CYRIB: variants seen among roughly 807,000 people sequenced by gnomAD.
CYRIB encodes CYFIP related Rac1 interactor B.
CYRIB carries 8 observed loss-of-function variants against 44.2 expected under a neutral mutation model. The ratio of observed to expected loss-of-function variants is 0.18; its 90% CI spans 0.11 to 0.33. The LOEUF (loss-of-function observed/expected upper bound fraction) is 0.33, where lower values mean the gene tolerates loss of function less well. Ranked by LOEUF, CYRIB falls within the 10% of genes least tolerant of loss-of-function variation. The pLI is 1.00. For missense variants in CYRIB, 185 were observed against 382.8 expected, an observed-to-expected ratio of 0.48 and a Z score of 4.31; for synonymous variants, 131 against 127.2, an observed-to-expected ratio of 1.03 and a Z score of -0.20.
At chr8:129,944,422 C>T (rs1447372512), upstream of CYRIB, among the ~76,000 whole-genome samples, 3 of 152,178 alleles carry the variant, frequency 2.0e-5, no homozygotes, top group Non-Finnish European at 4.4e-5. Context: ...TGGATGGTGA[C>T]ACCACGTGAT....
chr8:130,015,491 A>T (rs1032230593), intron 1 of CYRIB, among the ~76,000 whole-genome samples: 3 of 152,158 alleles, frequency 2.0e-5, no homozygotes, highest in Non-Finnish European at 4.4e-5. Context: ...CAGGGCCAGG[A>T]ATTAAACATA....
At chr8:129,993,729 G>A (rs976219251) in intron 1 of CYRIB, among the ~76,000 whole-genome samples, 2 of 151,920 alleles carry the variant, frequency 1.3e-5, no homozygotes, top group South Asian at 4.2e-4. Context: ...GGACGTGGTG[G>A]TTCACACCAG....
intron 2 of CYRIB, among the ~76,000 whole-genome samples, chr8:129,956,103 C>T (rs1485165945): frequency 6.6e-6 from 1 of 152,176 alleles, no homozygotes; most frequent in Non-Finnish European, 1.5e-5. Context: ...ATGACCCTCT[C>T]CTTTCCTTCT....
intron 4 of CYRIB, 136 bp from the exon 7 acceptor site, chr8:129,862,470 G>C (rs2050318995): frequency 1.4e-6 from 1 of 731,558 alleles, no homozygotes; most frequent in Non-Finnish European, 2.2e-6. Flanking sequence ...ATCTAGGAGT[G>C]TTGAATATTT....
intron 5 of CYRIB, among the ~76,000 whole-genome samples, chr8:129,858,662 C>T (rs1299612887): frequency 6.6e-6 from 1 of 152,084 alleles, no homozygotes; most frequent in African/African-American, 2.4e-5. Flanking sequence ...CATTTGGGGC[C>T]TTTAAAATAC....
Position 129,954,738 on chromosome 8 carries a change from G to C in CYRIB, c.-243+16205C>G, listed in dbSNP as rs1336312435. Among the ~76,000 whole-genome samples the C allele has an allele frequency of 6.6e-5, 10 of 152,246 alleles. No individual in the cohort carries two copies. The South Asian group carries it at 2.1e-3, about 32-fold the overall frequency. ...CTGGACCCAGGGGGAAGATTAGAGG[G>C]ATTTATGTCTATACTGTCTTTATTT... On this transcript the variant is annotated intron_variant, in intron 2 of 14. Coordinates refer to the CYRIB transcript ENST00000401979.
intron 1 of CYRIB, among the ~76,000 whole-genome samples, chr8:129,980,646 G>C (rs536429139): frequency 6.7e-6 from 1 of 149,822 alleles, no homozygotes; most frequent in South Asian, 2.1e-4. Context: ...CCTGGGCCAC[G>C]GAGTGAGACT....
At chr8:129,851,027 ACTC>A in intron 8 of CYRIB, 113 bp from the exon 11 acceptor site, 1 of 674,380 alleles carries the variant, frequency 1.5e-6, no homozygotes, top group Non-Finnish European at 2.6e-6. Flanking sequence ...CCTGGTTCCT[ACTC>A]CTAATTTTCT....
Position 129,986,066 on chromosome 8 carries a change from T to A in CYRIB, c.-295-15071A>T, listed in dbSNP as rs190148800. ...CAGGATGCAGCAAGGAAAGAATTAGTGTCAGGGCACCAGTAGAGGCTTCCA... is the reference window on the plus strand; with the variant it reads ...CAGGATGCAGCAAGGAAAGAATTAGAGTCAGGGCACCAGTAGAGGCTTCCA... On this transcript the variant is annotated intron_variant, in intron 1 of 14. Transcript: ENST00000401979. Among the ~76,000 whole-genome samples the A allele has an allele frequency of 4.5e-3, 684 of 152,198 alleles. 5 individuals carry two copies. The highest frequency in any genetic ancestry group is 0.016 in the African/African-American group (659 of 41,532).
At position 129,852,297 on chromosome 8, in the gene CYRIB, CACT is replaced by C. The variant is rs1249826509; in HGVS notation, c.517-22_517-20del. ...CTTCTGCCTGTGGGGAAGGTAAAAGCACTGGATGTTAGTTCACAAATTATTACA... is the reference window on the plus strand; with the variant it reads ...CTTCTGCCTGTGGGGAAGGTAAAAGCGGATGTTAGTTCACAAATTATTACA... On this transcript the variant is annotated intron_variant, in intron 7 of 11. Coordinates refer to ENST00000519824, the Ensembl canonical transcript of CYRIB. The C allele has an allele frequency of 6.9e-7, 1 of 1,439,452 alleles. No individual in the cohort carries two copies. Among genetic ancestry groups the C allele is most frequent in the East Asian group, 2.5e-5 (1 of 39,596 alleles). The allele number at this position is 1,439,452 out of a possible 1,614,324, so 89.2% of individuals were successfully genotyped here.
intron 4 of CYRIB, chr8:129,864,687 A>G (rs918907167): frequency 2.6e-5 from 7 of 272,802 alleles, no homozygotes; most frequent in Admixed American, 9.5e-5. Context: ...CCAGTTCCTA[A>G]GGGTGCAATG....
chr8:129,883,745 T>C (rs2061651275), intron 2 of CYRIB, among the ~76,000 whole-genome samples: 1 of 152,192 alleles, frequency 6.6e-6, no homozygotes, highest in African/African-American at 2.4e-5. Context: ...TTCCAAACTT[T>C]GTGACTTCAG....
intron 10 of CYRIB, among the ~76,000 whole-genome samples, chr8:129,847,961 C>T (rs151103744): frequency 0.033 from 5,087 of 152,110 alleles, 293 homozygotes; most frequent in African/African-American, 0.12. Context: ...GCCACCACAC[C>T]CAGCTAATTT....
chr8:129,861,981 C>T (rs2049962130), intron 5 of CYRIB, among the ~76,000 whole-genome samples: 1 of 152,070 alleles, frequency 6.6e-6, no homozygotes, highest in South Asian at 2.1e-4. Flanking sequence ...AATCAATGCT[C>T]AGATTCATGT....
intron 2 of CYRIB, among the ~76,000 whole-genome samples, chr8:129,946,375 T>C (rs759417929): frequency 6.6e-5 from 10 of 152,218 alleles, no homozygotes; most frequent in Non-Finnish European, 1.0e-4. Context: ...TGTTTCTCTC[T>C]TCCTTTTCAC....
intron 3 of CYRIB, among the ~76,000 whole-genome samples, chr8:129,873,795 A>G (rs939883477): frequency 1.9e-4 from 29 of 152,188 alleles, no homozygotes; most frequent in African/African-American, 5.3e-4. Context: ...ATAACTAGTA[A>G]AGGTTTAATA....
intron 4 of CYRIB, among the ~76,000 whole-genome samples, chr8:129,862,768 G>A (rs772796721): frequency 1.3e-5 from 2 of 152,058 alleles, no homozygotes; most frequent in South Asian, 2.1e-4. Context: ...CACCACGCAC[G>A]GCTGAGTGTT....
intron 2 of CYRIB, among the ~76,000 whole-genome samples, chr8:129,882,125 A>C (rs2061000800): frequency 6.6e-6 from 1 of 152,222 alleles, no homozygotes; most frequent in Admixed American, 6.5e-5. Flanking sequence ...TCAAAATTGG[A>C]ACTACAGATG....
intron 5 of CYRIB, among the ~76,000 whole-genome samples, chr8:129,856,117 C>T (rs837083): frequency 0.19 from 28,152 of 152,166 alleles, 2,776 homozygotes; most frequent in Non-Finnish European, 0.21. Context: ...CTATTATCTA[C>T]AGCTGAGTAA....
Sources: allele counts gnomAD v4.1 joint callset (sites outside exome capture counted in the v4.1 genomes callset), GRCh38; gene constraint gnomAD v4.1.1; transcripts MANE v1.5; gene names NCBI Gene and HGNC (gene_info 2026-07-23, HGNC 2026-07-21).